The following AVEN variants were observed in gnomAD, a reference collection of about 807,000 sequenced individuals.
AVEN encodes the protein cell death regulator Aven.
In AVEN, 41 loss-of-function variants were observed where a neutral mutation model predicts 38.1. That is an observed-to-expected ratio of 1.08 (90% confidence interval 0.84 to 1.40). The LOEUF (loss-of-function observed/expected upper bound fraction) is 1.40, where lower values mean the gene tolerates loss of function less well. Ranked by LOEUF, AVEN falls within the 40% of genes most tolerant of loss-of-function variation. The pLI is 0.00. For synonymous variants in AVEN, 206 were observed against 171.8 expected (o/e 1.20, Z -1.56); for missense variants, 605 against 438.8 (o/e 1.38, Z -3.38).
At chr15:33,891,770 GT>G (rs1891981500) in intron 2 of AVEN, among the ~76,000 whole-genome samples, 1 of 152,148 alleles carries the variant, frequency 6.6e-6, no homozygotes, top group Non-Finnish European at 1.5e-5. Flanking sequence ...GGGTCAAATG[GT>G]ATTTCTAGTT....
chr15:33,865,138 ATGTCT>A, downstream of AVEN: 1 of 1,612,392 alleles, frequency 6.2e-7, no homozygotes, highest in Non-Finnish European at 8.5e-7. Context: ...CAGGAATCTT[ATGTCT>A]GGAAGATGTA....
chr15:34,034,216 G>A (rs762166316), intron 1 of AVEN, among the ~76,000 whole-genome samples: 1 of 152,144 alleles, frequency 6.6e-6, no homozygotes, highest in Non-Finnish European at 1.5e-5. Flanking sequence ...GCTGAGGCGG[G>A]AGGACTGCTT....
intron 1 of AVEN, among the ~76,000 whole-genome samples, chr15:34,073,983 C>CTT (rs1567498505): frequency 4.8e-4 from 10 of 20,816 alleles, no homozygotes; most frequent in African/African-American, 1.2e-3. Flanking sequence ...CTTTTTTCTT[C>CTT]TTCTTCTTTT....
chr15:33,914,129 C>G (rs1893025256), intron 2 of AVEN, among the ~76,000 whole-genome samples: 1 of 137,782 alleles, frequency 7.3e-6, no homozygotes, highest in African/African-American at 2.5e-5. Flanking sequence ...AGTGGAATGT[C>G]AGTTCTAAGT....
intron 2 of AVEN, among the ~76,000 whole-genome samples, chr15:33,967,924 C>T (rs1431271334): frequency 6.8e-6 from 1 of 146,316 alleles, no homozygotes. Flanking sequence ...TGTATAAAAA[C>T]AGGCATACAT....
At position 33,866,501 on chromosome 15, in the gene AVEN, A is replaced by AC; in HGVS notation, c.*111dup. The AC allele has an allele frequency of 1.4e-6, 1 of 720,672 alleles. No individual in the cohort carries two copies. The highest frequency in any genetic ancestry group is 2.4e-6 in the Non-Finnish European group (1 of 418,786). 44.6% of individuals were successfully genotyped at this position (720,672 alleles called of 1,614,324 possible). A position where few individuals can be genotyped will look rare whatever the true frequency, so the allele number is the denominator to read the frequency against. Reference sequence around the variant, plus strand: ...CATTTACTGCTGTGAGCATAATGGAACACACTAGCTTGAGACATGCTTGTA... The same window carrying AC: ...CATTTACTGCTGTGAGCATAATGGAACCACACTAGCTTGAGACATGCTTGTA... On this transcript the variant is annotated 3_prime_UTR_variant, in exon 6 of 6. Coordinates refer to ENST00000306730, the MANE Select transcript of AVEN (RefSeq NM_020371.3).
chr15:33,961,539 T>C (rs8034174), intron 2 of AVEN, among the ~76,000 whole-genome samples: 146,369 of 151,996 alleles, frequency 0.96, 70,660 homozygotes, highest in Non-Finnish European at 1. Context: ...CTGCACTGGG[T>C]GAGGTGGCTC....
intron 2 of AVEN, among the ~76,000 whole-genome samples, chr15:33,937,532 CAAAA>C (rs34079351): frequency 6.8e-6 from 1 of 147,250 alleles, no homozygotes; most frequent in Non-Finnish European, 1.5e-5. Flanking sequence ...GACTCCATCT[CAAAA>C]AAAAAAAATA....
At chr15:33,915,217 C>T (rs2153046274) in intron 2 of AVEN, among the ~76,000 whole-genome samples, 1 of 152,210 alleles carries the variant, frequency 6.6e-6, no homozygotes, top group East Asian at 1.9e-4. Context: ...AGACTCACAT[C>T]GTGAACTTTT....
At chr15:34,032,011 A>ACG (rs1028158536) in intron 1 of AVEN, among the ~76,000 whole-genome samples, 2 of 109,686 alleles carry the variant, frequency 1.8e-5, no homozygotes, top group African/African-American at 5.6e-5. Context: ...ACACACACAT[A>ACG]CGCGCGCACA....
intron 2 of AVEN, among the ~76,000 whole-genome samples, chr15:33,920,502 A>C (rs938988455): frequency 6.6e-6 from 1 of 152,176 alleles, no homozygotes; most frequent in Admixed American, 6.5e-5. Flanking sequence ...ATTCCTTTTG[A>C]TAGCAGTCTC....
At chr15:33,992,678 A>C (rs1896780231) in intron 2 of AVEN, among the ~76,000 whole-genome samples, 1 of 152,040 alleles carries the variant, frequency 6.6e-6, no homozygotes, top group South Asian at 2.1e-4. Context: ...GAAAAAAATG[A>C]GCTGAATCAA....
At chr15:33,959,998 G>C (rs142844242) in intron 2 of AVEN, among the ~76,000 whole-genome samples, 27 of 152,300 alleles carry the variant, frequency 1.8e-4, no homozygotes, top group Admixed American at 1.8e-3. Flanking sequence ...TACTGGATTC[G>C]TGTCGGATGA....
chr15:33,853,591 C>T, the AVEN span: 9 of 1,613,978 alleles, frequency 5.6e-6, no homozygotes, highest in East Asian at 2.2e-5. Context: ...CGGAGCAGAA[C>T]GCATTGCTGA....
At chr15:33,862,496 T>G (rs1243748817), downstream of AVEN, among the ~76,000 whole-genome samples, 1 of 152,140 alleles carries the variant, frequency 6.6e-6, no homozygotes, top group Non-Finnish European at 1.5e-5. Flanking sequence ...TGTGAGCCAC[T>G]GGGCTGAGCC....
At chr15:33,865,340 TA>T (rs200704038), downstream of AVEN, 978 of 618,056 alleles carry the variant, frequency 1.6e-3, 1 homozygote, top group South Asian at 2.9e-3. Flanking sequence ...ATGCCTCCCT[TA>T]AAAAAAAAAC....
downstream of AVEN, among the ~76,000 whole-genome samples, chr15:33,855,538 A>T (rs368057632): frequency 6.6e-5 from 10 of 152,092 alleles, no homozygotes; most frequent in East Asian, 9.7e-4. Context: ...TTCCTCCATG[A>T]ATCTGATATA....
intron 2 of AVEN, among the ~76,000 whole-genome samples, chr15:33,923,669 T>G (rs605185): frequency 1.3e-5 from 2 of 151,840 alleles, no homozygotes; most frequent in African/African-American, 4.8e-5. Flanking sequence ...CTCAAGTGGT[T>G]GTTTGCCCAC....
chr15:34,059,005 T>G (rs1458158647), intron 5 of AVEN, among the ~76,000 whole-genome samples: 1 of 152,206 alleles, frequency 6.6e-6, no homozygotes, highest in Non-Finnish European at 1.5e-5. Flanking sequence ...CAAGCAATTC[T>G]CCTGCCTCAA....
Sources: gnomAD v4.1 joint callset for allele counts (sites outside exome capture counted in the v4.1 genomes callset) on GRCh38, gnomAD v4.1.1 for gene constraint, MANE v1.5 for transcripts, NCBI Gene and HGNC (gene_info 2026-07-23, HGNC 2026-07-21) for gene names.